Variants in PKP4 observed in about 807,000 individuals in gnomAD.
PKP4 encodes plakophilin 4.
PKP4 carries 90 observed loss-of-function variants against 145.1 expected under a neutral mutation model. The ratio of observed to expected loss-of-function variants is 0.62; its 90% CI spans 0.52 to 0.74. PKP4 has a LOEUF of 0.74. Ranked by LOEUF, PKP4 falls within the 30% of genes least tolerant of loss-of-function variation. PKP4 has a pLI of 0.00. For synonymous variants in PKP4, 563 were observed against 577.2 expected, an observed-to-expected ratio of 0.98 and a Z score of 0.35; for missense variants, 1,340 against 1,482.7, an observed-to-expected ratio of 0.90 and a Z score of 1.58.
chr2:158,639,778 G>C (rs947041364), intron 9 of PKP4, among the ~76,000 whole-genome samples: 5 of 152,154 alleles, frequency 3.3e-5, no homozygotes, highest in African/African-American at 1.2e-4. Flanking sequence ...CAAAAAAATG[G>C]TATAGCATAG....
intron 2 of PKP4, among the ~76,000 whole-genome samples, chr2:158,570,550 C>T (rs1475496904): frequency 6.6e-6 from 1 of 152,128 alleles, no homozygotes; most frequent in Admixed American, 6.5e-5. Flanking sequence ...AATAAAAATG[C>T]TTGCTTTCTT....
intron 12 of PKP4, chr2:158,659,750 C>T (rs77876849): frequency 0.028 from 4,267 of 152,288 alleles, 169 homozygotes; most frequent in East Asian, 0.16. Flanking sequence ...AGCTTGCAGC[C>T]GTAGCCTACT....
intron 4 of PKP4, among the ~76,000 whole-genome samples, chr2:158,612,293 A>G (rs1183296646): frequency 6.6e-6 from 1 of 152,212 alleles, no homozygotes; most frequent in African/African-American, 2.4e-5. Context: ...TTTTTCCCCT[A>G]ACATTACAAA....
At chr2:158,655,649 C>T (rs2055835493) in intron 11 of PKP4, among the ~76,000 whole-genome samples, 1 of 152,194 alleles carries the variant, frequency 6.6e-6, no homozygotes, top group South Asian at 2.1e-4. Context: ...TTGAAAATAT[C>T]CTATTGAAAA....
chr2:158,654,065 T>A (rs1363187201), intron 11 of PKP4, among the ~76,000 whole-genome samples: 4 of 152,234 alleles, frequency 2.6e-5, no homozygotes, highest in African/African-American at 9.6e-5. Context: ...TTTAATTAAA[T>A]CTTTTTCATC....
In PKP4 at chr2:158,661,316, T is replaced by C; in HGVS notation, c.2094-17T>C. ...CATGGTTCATCTCAGCAGCTCCTCCTGTCTCCACCCCTTTAGGAACCTCAG... is the reference window on the plus strand; with the variant it reads ...CATGGTTCATCTCAGCAGCTCCTCCCGTCTCCACCCCTTTAGGAACCTCAG... On this transcript the variant is annotated splice_polypyrimidine_tract_variant and intron_variant, in intron 12 of 21. Transcript: ENST00000389759. The C allele has an allele frequency of 6.3e-7, 1 of 1,588,066 alleles. No homozygotes were observed. Among genetic ancestry groups the C allele is most frequent in the Non-Finnish European group, 8.6e-7 (1 of 1,157,072 alleles).
chr2:158,470,110 C>A (rs915295720), intron 1 of PKP4, among the ~76,000 whole-genome samples: 1 of 152,224 alleles, frequency 6.6e-6, no homozygotes, highest in African/African-American at 2.4e-5. Context: ...GAGCTCTCAG[C>A]AGGTTAGAAC....
In PKP4 at chr2:158,634,272, CAT is replaced by C; in HGVS notation, c.1546_1547del (p.Ile516SerfsTer11). On this transcript the variant is annotated frameshift_variant, in exon 9 of 22. Transcript: ENST00000389759. LOFTEE classifies it high-confidence loss of function. ...GTTRSPSIDS[I>X]QKDPREFAWR... ...CCACAAGATCCCCATCAATAGACAG[CAT>C]TCAGAAGGACCCCAGGCGAGTACCA... 1 of 1,613,966 alleles carries C rather than the reference CAT, an allele frequency of 6.2e-7. No individual in the cohort carries two copies.
intron 1 of PKP4, among the ~76,000 whole-genome samples, chr2:158,516,468 C>T (rs1259506718): frequency 6.6e-6 from 1 of 152,078 alleles, no homozygotes; most frequent in East Asian, 1.9e-4. Context: ...TAAAATTACA[C>T]ATGAATTAAT....
At chr2:158,565,543 A>G (rs2046902884) in intron 2 of PKP4, among the ~76,000 whole-genome samples, 1 of 151,330 alleles carries the variant, frequency 6.6e-6, no homozygotes, top group Non-Finnish European at 1.5e-5. Context: ...GATATTCAAT[A>G]AGGGTAACGA....
intron 17 of PKP4, among the ~76,000 whole-genome samples, chr2:158,670,457 T>C (rs1164926952): frequency 6.6e-6 from 1 of 152,152 alleles, no homozygotes; most frequent in Non-Finnish European, 1.5e-5. Context: ...CCTAATACCA[T>C]CACCTTGGGG....
At chr2:158,553,196 C>T (rs1005374846) in intron 2 of PKP4, among the ~76,000 whole-genome samples, 16 of 152,184 alleles carry the variant, frequency 1.1e-4, no homozygotes, top group African/African-American at 3.9e-4. Context: ...AAATGAATCA[C>T]AGTTTGATAA....
intron 3 of PKP4, among the ~76,000 whole-genome samples, chr2:158,579,478 T>TA (rs2048143230): frequency 1.3e-5 from 2 of 150,666 alleles, no homozygotes; most frequent in South Asian, 2.1e-4. Context: ...TTACATATCA[T>TA]AAAAAAACTT....
At chr2:158,464,160 T>C (rs984766428) in intron 1 of PKP4, among the ~76,000 whole-genome samples, 9 of 152,218 alleles carry the variant, frequency 5.9e-5, no homozygotes, top group African/African-American at 1.9e-4. Flanking sequence ...AAAGATCCAC[T>C]TCTTACTTGC....
At position 158,495,111 on chromosome 2, in the gene PKP4, G is replaced by A. The variant is rs1397097544; in HGVS notation, c.-6+37893G>A. On this transcript the variant is annotated intron_variant, in intron 1 of 21. Coordinates refer to ENST00000389759, the MANE Select transcript of PKP4 (RefSeq NM_003628.6). ...CGGGCATCTGTAATCCTACCTACTCGGGAGGCTGAGGCAGGAGAATCACTT... is the reference window on the plus strand; with the variant it reads ...CGGGCATCTGTAATCCTACCTACTCAGGAGGCTGAGGCAGGAGAATCACTT... 7.2e-5 allele frequency among the ~76,000 whole-genome samples: 11 copies of A among 151,812 alleles called. 1 individual carries two copies. Among genetic ancestry groups the A allele is most frequent in the Admixed American group, 5.2e-4 (8 of 15,240 alleles).
chr2:158,657,027 CCCCT>C (rs2056030048), intron 11 of PKP4, among the ~76,000 whole-genome samples: 1 of 152,164 alleles, frequency 6.6e-6, no homozygotes, highest in Non-Finnish European at 1.5e-5. Context: ...GATTTTGCCA[CCCCT>C]CCCTCTGCAA....
chr2:158,537,900 T>A (rs1046978380), intron 2 of PKP4, among the ~76,000 whole-genome samples: 1 of 151,992 alleles, frequency 6.6e-6, no homozygotes, highest in Non-Finnish European at 1.5e-5. Context: ...TGTGATGGTG[T>A]GCGCCTGTGG....
rs570621504 is a variant in PKP4 at position 158,678,208 on chromosome 2, C to T, written c.3257-373C>T. 1.6e-4 allele frequency among the ~76,000 whole-genome samples: 25 copies of T among 152,296 alleles called. 1 individual carries two copies. In the South Asian group the frequency reaches 3.9e-3, roughly 24 times the overall value. On this transcript the variant is annotated intron_variant, in intron 20 of 21. Transcript: ENST00000389759. ...TGACCCACTGCCGTAGCTCAGAGCC[C>T]TGGAAAAGGAGTGTTCCTCAGCTCA...
At chr2:158,671,753 A>C (rs2057578825) in intron 17 of PKP4, among the ~76,000 whole-genome samples, 1 of 152,248 alleles carries the variant, frequency 6.6e-6, no homozygotes, top group South Asian at 2.1e-4. Flanking sequence ...ACAAGGTGCC[A>C]AACGAACAGA....
Sources: gnomAD v4.1 joint callset for allele counts (sites outside exome capture counted in the v4.1 genomes callset) on GRCh38, gnomAD v4.1.1 for gene constraint, MANE v1.5 for transcripts, NCBI Gene and HGNC (gene_info 2026-07-23, HGNC 2026-07-21) for gene names.